The following CMC2 variants were observed in gnomAD, a reference collection of about 807,000 sequenced individuals.
CMC2 encodes COX assembly mitochondrial protein 2 homolog.
In CMC2, 5 loss-of-function variants were observed where a neutral mutation model predicts 7.5. That is an observed-to-expected ratio of 0.66 (90% CI 0.35 to 1.40). The LOEUF (loss-of-function observed/expected upper bound fraction) is 1.40, where lower values mean the gene tolerates loss of function less well. CMC2 is among the 40% of genes most tolerant of loss of function. The pLI, the probability that CMC2 is intolerant of heterozygous loss-of-function variation, is 0.04. For synonymous variants in CMC2, 37 were observed against 31.4 expected (o/e 1.18, Z -0.60); for missense variants, 115 against 92.3 (o/e 1.25, Z -1.01).
chr16:80,995,209 CTGTT>C (rs1481868693), intron 2 of CMC2, among the ~76,000 whole-genome samples: 2 of 148,992 alleles, frequency 1.3e-5, no homozygotes, highest in African/African-American at 4.9e-5. Context: ...CAGCTGCAAA[CTGTT>C]TATTTGCCTA....
At chr16:80,981,079 CAAA>C (rs35505789) in intron 3 of CMC2, among the ~76,000 whole-genome samples, 10 of 118,036 alleles carry the variant, frequency 8.5e-5, no homozygotes, top group Admixed American at 2.5e-4. Context: ...CAATATGAGG[CAAA>C]AAAAAAAAAA....
rs1216324699 is a variant in CMC2, at chr16:80,979,614, TTTA to T, written c.153+2189_153+2191del. The stretch of plus-strand genomic sequence containing the variant: ...GCTATTTATTTTATTTATTTTTTAT[TTTA>T]TTTTTTTTTAATTTATTTAGAGACA... On this transcript the variant is annotated intron_variant, in intron 3 of 3. Transcript: ENST00000219400. Among the ~76,000 whole-genome samples, 6 of 151,480 alleles carry T rather than the reference TTTA, an allele frequency of 4.0e-5. 1 individual carries two copies. The highest frequency in any genetic ancestry group is 1.3e-4 in the Admixed American group (2 of 15,240).
chr16:80,986,371 T>G (rs944854722), intron 2 of CMC2, among the ~76,000 whole-genome samples: 1 of 147,724 alleles, frequency 6.8e-6, no homozygotes, highest in African/African-American at 2.5e-5. Flanking sequence ...AATAAATAAA[T>G]AAAATGCAGA....
intron 1 of CMC2, among the ~76,000 whole-genome samples, chr16:81,003,955 G>C (rs1969044970): frequency 6.6e-6 from 1 of 152,240 alleles, no homozygotes; most frequent in Non-Finnish European, 1.5e-5. Flanking sequence ...GGAAGCTGTG[G>C]CTCACGCCTG....
chr16:80,976,581 T>C (rs1439442056), intron 3 of CMC2, among the ~76,000 whole-genome samples: 1 of 152,152 alleles, frequency 6.6e-6, no homozygotes, highest in African/African-American at 2.4e-5. Context: ...GTGGAGAGGC[T>C]CACTTCCTTG....
At position 80,992,721 on chromosome 16, in the gene CMC2, T is replaced by TTTTTG. The variant is rs1485859033; in HGVS notation, c.81+4592_81+4593insCAAAA. Among the ~76,000 whole-genome samples, 60 of 138,822 alleles carry TTTTTG rather than the reference T, an allele frequency of 4.3e-4. 2 individuals carry two copies. The highest frequency in any genetic ancestry group is 1.4e-3 in the African/African-American group (55 of 38,414). 91.1% of individuals were successfully genotyped at this position (138,822 alleles called of 152,430 possible). A position where few individuals can be genotyped will look rare whatever the true frequency, so the allele number is the denominator to read the frequency against. ...TTCCCCCTCCTTTTTTTTTTTTTTT[T>TTTTTG]TGTGTAAAGACAGGGTCTCACTTTG... On this transcript the variant is annotated intron_variant, in intron 2 of 3. Coordinates refer to ENST00000219400, the MANE Select transcript of CMC2 (RefSeq NM_020188.5).
At chr16:80,979,795 G>A (rs1966981576) in intron 3 of CMC2, among the ~76,000 whole-genome samples, 1 of 151,248 alleles carries the variant, frequency 6.6e-6, no homozygotes, top group Non-Finnish European at 1.5e-5. Flanking sequence ...TAATTTTTTT[G>A]TACTTTCAGT....
intron 2 of CMC2, among the ~76,000 whole-genome samples, chr16:80,990,599 T>A (rs1337986586): frequency 2.0e-5 from 3 of 152,262 alleles, no homozygotes; most frequent in Non-Finnish European, 4.4e-5. Context: ...GATACAAATA[T>A]GTTTTGCTAT....
intron 2 of CMC2, among the ~76,000 whole-genome samples, chr16:80,993,618 T>C (rs759921199): frequency 6.6e-6 from 1 of 152,186 alleles, no homozygotes; most frequent in Non-Finnish European, 1.5e-5. Flanking sequence ...GGAGTCCTTA[T>C]AAGCCAAAGT....
chr16:80,986,744 C>T (rs968255533), intron 2 of CMC2, among the ~76,000 whole-genome samples: 2 of 152,196 alleles, frequency 1.3e-5, no homozygotes, highest in Non-Finnish European at 2.9e-5. Flanking sequence ...GGCTTTCAGC[C>T]AAGAATGACA....
chr16:80,986,046 C>A (rs1375889574), intron 2 of CMC2, among the ~76,000 whole-genome samples: 1 of 152,030 alleles, frequency 6.6e-6, no homozygotes, highest in Non-Finnish European at 1.5e-5. Context: ...GCAAAAGGAT[C>A]TATTAAAAAG....
intron 1 of CMC2, among the ~76,000 whole-genome samples, chr16:81,003,747 C>T (rs1969031864): frequency 2.0e-5 from 3 of 151,936 alleles, no homozygotes; most frequent in South Asian, 4.2e-4. Context: ...TAATACTATC[C>T]TGTAAGTGTG....
rs1912192765 is a variant in CMC2, at chr16:80,975,226, C to T, written c.*867G>A. 1 of 152,272 alleles carries T rather than the reference C, an allele frequency of 6.6e-6. No homozygotes were observed. Among genetic ancestry groups the T allele is most frequent in the African/African-American group, 2.4e-5 (1 of 41,460 alleles). The allele number at this position is 152,272 out of a possible 1,614,324, so 9.4% of individuals were successfully genotyped here. A position where few individuals can be genotyped will look rare whatever the true frequency, so the allele number is the denominator to read the frequency against. ...GTTAATGTCCAGGAGTTAACTGGCACCTCGAGTGGACACATTCAACCAAAT... is the reference window on the plus strand; with the variant it reads ...GTTAATGTCCAGGAGTTAACTGGCATCTCGAGTGGACACATTCAACCAAAT... On this transcript the variant is annotated 3_prime_UTR_variant, in exon 4 of 4. Transcript: ENST00000219400.
At chr16:80,982,026 T>C (rs1597221704) in intron 2 of CMC2, 149 bp from the exon 3 acceptor site, 6 of 549,320 alleles carry the variant, frequency 1.1e-5, no homozygotes, top group Middle Eastern at 3.4e-4. Context: ...TAAAACACAG[T>C]TGGCCCTTGA....
At chr16:80,978,390 A>G (rs769534302) in intron 3 of CMC2, 2 of 1,270,460 alleles carry the variant, frequency 1.6e-6, no homozygotes, top group African/African-American at 3.2e-5. Flanking sequence ...ATGCTAAGAC[A>G]TCTCCAAAGG....
chr16:80,981,715 G>C (rs1314490012), intron 3 of CMC2, 91 bp downstream of exon 3: 2 of 769,780 alleles, frequency 2.6e-6, no homozygotes, highest in Non-Finnish European at 4.1e-6. Flanking sequence ...ACTAAAATGT[G>C]GGAAAAATTC....
At position 80,981,884 on chromosome 16, in the gene CMC2, G is replaced by T; in HGVS notation, c.82-7C>A. 6.3e-7 allele frequency: 1 copy of T among 1,585,840 alleles called. No individual in the cohort carries two copies. Reference sequence around the variant, plus strand: ...AAAATTTCAGAATGTTGTGCTAAAAGGAAGAAAAGGAGTAAAATATTTCAT... The same window carrying T: ...AAAATTTCAGAATGTTGTGCTAAAATGAAGAAAAGGAGTAAAATATTTCAT... On this transcript the variant is annotated splice_region_variant and splice_polypyrimidine_tract_variant and intron_variant, in intron 2 of 3. Transcript: ENST00000219400.
intron 1 of CMC2, chr16:80,998,931 CT>C (rs1268802044): frequency 8.3e-6 from 1 of 121,070 alleles, no homozygotes; most frequent in Non-Finnish European, 1.9e-5. Flanking sequence ...AAACTAGGCA[CT>C]GAAGAACATA....
intron 2 of CMC2, among the ~76,000 whole-genome samples, chr16:80,991,020 C>G (rs1433455643): frequency 7.1e-6 from 1 of 141,472 alleles, no homozygotes; most frequent in African/African-American, 2.8e-5. Flanking sequence ...AGCCACCAAG[C>G]CTGGCTTTTT....
Sources: allele counts gnomAD v4.1 joint callset (sites outside exome capture counted in the v4.1 genomes callset), GRCh38; gene constraint gnomAD v4.1.1; transcripts MANE v1.5; gene names NCBI Gene and HGNC (gene_info 2026-07-23, HGNC 2026-07-21).